HTR2C: variants seen among roughly 807,000 people sequenced by gnomAD.
The protein encoded by HTR2C is 5-hydroxytryptamine receptor 2C.
Under a neutral mutation model 21.0 loss-of-function variants are expected in HTR2C, and 5 were observed. The ratio of observed to expected loss-of-function variants is 0.24; its 90% confidence interval spans 0.12 to 0.50. HTR2C has a LOEUF of 0.50. HTR2C is among the 20% of genes least tolerant of loss of function. HTR2C has a pLI of 0.98. For synonymous variants in HTR2C, 150 were observed against 145.3 expected (o/e 1.03, Z -0.23); for missense variants, 271 against 371.2 (o/e 0.73, Z 2.22).
At chrX:114,640,712 G>T (rs1930063977) in intron 2 of HTR2C, among the ~76,000 whole-genome samples, 1 of 112,349 alleles carries the variant, frequency 8.9e-6, no homozygotes, top group African/African-American at 3.2e-5. Context: ...TATGCTAAGT[G>T]TAATGAAGAC....
intron 2 of HTR2C, among the ~76,000 whole-genome samples, chrX:114,686,689 T>TA (rs1464856200): frequency 1.2e-4 from 13 of 110,241 alleles, no homozygotes; most frequent in African/African-American, 4.0e-4. Flanking sequence ...ATATTTTATT[T>TA]AAAAAATTTT....
At chrX:114,630,347 G>A (rs1157853927) in intron 2 of HTR2C, among the ~76,000 whole-genome samples, 1 of 111,688 alleles carries the variant, frequency 9.0e-6, no homozygotes, top group Non-Finnish European at 1.9e-5. Flanking sequence ...CCGCACAAAT[G>A]GTAATTTGAA....
intron 2 of HTR2C, among the ~76,000 whole-genome samples, chrX:114,672,737 A>G (rs934226055): frequency 4.5e-5 from 5 of 112,289 alleles, no homozygotes; most frequent in Non-Finnish European, 9.4e-5. Flanking sequence ...TACATTCTGT[A>G]GAGTTTCAAA....
chrX:114,723,751 G>T lies in HTR2C; in HGVS notation c.-79-3107G>T, dbSNP rs782709561. ...CATTGGTTTCAAAGAACATCTTTATGTCTGCCTTCATTTCCTTATGTACCC... is the reference window on the plus strand; with the variant it reads ...CATTGGTTTCAAAGAACATCTTTATTTCTGCCTTCATTTCCTTATGTACCC... On this transcript the variant is annotated intron_variant, in intron 2 of 5. Transcript: ENST00000276198. Among the ~76,000 whole-genome samples the T allele has an allele frequency of 3.3e-3, 362 of 109,970 alleles. 4 individuals are homozygous for T. Among genetic ancestry groups the T allele is most frequent in the African/African-American group, 0.011 (328 of 30,384 alleles).
chrX:114,636,068 G>GTTT (rs199651941), intron 2 of HTR2C, among the ~76,000 whole-genome samples: 2 of 91,817 alleles, frequency 2.2e-5, no homozygotes, highest in African/African-American at 4.0e-5. Context: ...CTGTGCAATG[G>GTTT]TTTTTTTTTT....
intron 5 of HTR2C, among the ~76,000 whole-genome samples, chrX:114,899,052 T>A (rs2071317880): frequency 8.9e-6 from 1 of 112,220 alleles, no homozygotes; most frequent in African/African-American, 3.2e-5. Context: ...GTTTATGTCA[T>A]CTCTGATTAC....
At chrX:114,833,672 T>C (rs1211747049) in intron 4 of HTR2C, among the ~76,000 whole-genome samples, 1 of 110,808 alleles carries the variant, frequency 9.0e-6, no homozygotes, top group African/African-American at 3.3e-5. Flanking sequence ...CATTAATTTT[T>C]TGAAGGGTTT....
chrX:114,799,036 G>A (rs782453927), intron 4 of HTR2C, among the ~76,000 whole-genome samples: 146 of 109,011 alleles, frequency 1.3e-3, no homozygotes, highest in African/African-American at 4.5e-3. Context: ...TAACCTTGAT[G>A]TTTCCAGAAA....
rs994506616 is a variant in HTR2C, at chrX:114,895,928, G to T, written c.551-10661G>T. ...CGCTTGAACCTGGGAGGTGGAGGTT[G>T]CAGTGTGCCAAGATCATGCCATTGC... On this transcript the variant is annotated intron_variant, in intron 5 of 5. Coordinates refer to ENST00000276198, the MANE Select transcript of HTR2C (RefSeq NM_000868.4). Among the ~76,000 whole-genome samples, 3 of 109,032 alleles carry T rather than the reference G, an allele frequency of 2.8e-5. No homozygotes were observed. In the South Asian group the frequency reaches 1.2e-3, roughly 44 times the overall value. 94.7% of individuals were successfully genotyped at this position (109,032 alleles called of 115,157 possible). A position where few individuals can be genotyped will look rare whatever the true frequency, so the allele number is the denominator to read the frequency against.
chrX:114,694,434 AATATATATATATATATAT>A (rs782501990), intron 2 of HTR2C, among the ~76,000 whole-genome samples: 87 of 91,928 alleles, frequency 9.5e-4, no homozygotes, highest in African/African-American at 3.1e-3. Flanking sequence ...TCCTCAACTA[AATATATATATATATATAT>A]ATATATATAT....
chrX:114,878,488 C>T (rs1031154883), intron 5 of HTR2C, among the ~76,000 whole-genome samples: 10 of 110,693 alleles, frequency 9.0e-5, no homozygotes, highest in Non-Finnish European at 1.7e-4. Context: ...CATTGAGCTG[C>T]TTTACAACCT....
At chrX:114,706,258 C>A (rs1311990058) in intron 2 of HTR2C, among the ~76,000 whole-genome samples, 17 of 65,028 alleles carry the variant, frequency 2.6e-4, no homozygotes, top group East Asian at 2.6e-3. Flanking sequence ...CACATGCACA[C>A]GTATGTTTAT....
intron 4 of HTR2C, among the ~76,000 whole-genome samples, chrX:114,733,130 G>A (rs1240374778): frequency 2.7e-5 from 3 of 111,185 alleles, no homozygotes; most frequent in African/African-American, 9.8e-5. Flanking sequence ...ACAGGTGGCC[G>A]GGCGCGGTTA....
At chrX:114,840,804 G>T (rs1159417881) in intron 4 of HTR2C, among the ~76,000 whole-genome samples, 1 of 111,063 alleles carries the variant, frequency 9.0e-6, no homozygotes, top group Non-Finnish European at 1.9e-5. Context: ...ACAAAAAATG[G>T]CAATTTTACT....
At chrX:114,673,147 C>T (rs1156421246) in intron 2 of HTR2C, among the ~76,000 whole-genome samples, 1 of 111,669 alleles carries the variant, frequency 9.0e-6, no homozygotes, top group Non-Finnish European at 1.9e-5. Context: ...TATAGTTGGC[C>T]GAAAGCAGTA....
At chrX:114,634,615 G>T (rs1929768670) in intron 2 of HTR2C, among the ~76,000 whole-genome samples, 1 of 110,906 alleles carries the variant, frequency 9.0e-6, no homozygotes, top group African/African-American at 3.3e-5. Flanking sequence ...TTTGAGACCA[G>T]CCTGGGCAAT....
chrX:114,650,360 ACTC>A (rs1556408287), intron 2 of HTR2C, among the ~76,000 whole-genome samples: 1 of 111,243 alleles, frequency 9.0e-6, no homozygotes, highest in African/African-American at 3.3e-5. Context: ...TTCTATCTAA[ACTC>A]CTTATCATTG....
intron 2 of HTR2C, among the ~76,000 whole-genome samples, chrX:114,657,731 A>G (rs1930836021): frequency 9.0e-6 from 1 of 111,282 alleles, no homozygotes; most frequent in Admixed American, 9.6e-5. Flanking sequence ...TTTAAGTTTT[A>G]GGGTACTTGT....
At chrX:114,799,508 G>A (rs2070326150) in intron 4 of HTR2C, among the ~76,000 whole-genome samples, 1 of 110,263 alleles carries the variant, frequency 9.1e-6, no homozygotes. Context: ...CAAAAAAAAG[G>A]TATTTTTAGG....
Sources: gnomAD v4.1 joint callset for allele counts (sites outside exome capture counted in the v4.1 genomes callset) on GRCh38, gnomAD v4.1.1 for gene constraint, MANE v1.5 for transcripts, NCBI Gene and HGNC (gene_info 2026-07-23, HGNC 2026-07-21) for gene names.